Variants in NCALD observed in about 807,000 individuals in gnomAD.
NCALD encodes neurocalcin delta, also known as neurocalcin-delta.
A neutral mutation model predicts 18.6 loss-of-function variants in NCALD; 10 were observed. The observed-to-expected ratio is 0.54, with a 90% confidence interval of 0.33 to 0.91. The LOEUF (loss-of-function observed/expected upper bound fraction) is 0.91, where lower values mean the gene tolerates loss of function less well. Ranked by LOEUF, NCALD falls within the 40% of genes least tolerant of loss-of-function variation. NCALD has a pLI of 0.03. For synonymous variants in NCALD, 88 were observed against 87.4 expected (o/e 1.01, Z -0.04); for missense variants, 184 against 247.6 (o/e 0.74, Z 1.72).
intron 3 of NCALD, chr8:101,692,226 A>G: frequency 1.0e-6 from 1 of 985,404 alleles, no homozygotes; most frequent in Non-Finnish European, 1.2e-6. Context: ...AATTGTGGGT[A>G]GCACCATCAG....
intron 1 of NCALD, among the ~76,000 whole-genome samples, chr8:102,114,451 T>C (rs932425653): frequency 6.6e-6 from 1 of 152,126 alleles, no homozygotes; most frequent in Non-Finnish European, 1.5e-5. Flanking sequence ...AAGAAAGTCA[T>C]ACAGGGGTTC....
chr8:101,768,694 G>A (rs1360247171), intron 1 of NCALD, among the ~76,000 whole-genome samples: 1 of 146,110 alleles, frequency 6.8e-6, no homozygotes, highest in Non-Finnish European at 1.5e-5. Context: ...GGGTGACAGA[G>A]TGAGACTCCA....
At chr8:101,914,444 T>C (rs895237020) in intron 3 of NCALD, among the ~76,000 whole-genome samples, 2 of 152,214 alleles carry the variant, frequency 1.3e-5, no homozygotes, top group African/African-American at 4.8e-5. Context: ...GTTTCTCCAT[T>C]GTGAAGTTAC....
intron 2 of NCALD, among the ~76,000 whole-genome samples, chr8:101,716,792 G>A (rs1364407953): frequency 1.3e-5 from 2 of 152,214 alleles, no homozygotes; most frequent in Non-Finnish European, 2.9e-5. Flanking sequence ...CATGGTCCCA[G>A]TGTAATCACA....
intron 1 of NCALD, among the ~76,000 whole-genome samples, chr8:102,082,512 G>A (rs1824583599): frequency 6.6e-6 from 1 of 151,988 alleles, no homozygotes; most frequent in African/African-American, 2.4e-5. Flanking sequence ...TACATGTGGA[G>A]CATCCACAAC....
At chr8:101,800,851 G>A in intron 4 of NCALD, among the ~76,000 whole-genome samples, 1 of 124,702 alleles carries the variant, frequency 8.0e-6, no homozygotes, top group African/African-American at 3.1e-5. Flanking sequence ...GGGGAGGGGA[G>A]GGGAGGGGAG....
intron 4 of NCALD, among the ~76,000 whole-genome samples, chr8:101,857,414 ATTCTGAC>A (rs911999846): frequency 1.3e-5 from 2 of 152,326 alleles, no homozygotes; most frequent in African/African-American, 4.8e-5. Context: ...ACTCAAAGGC[ATTCTGAC>A]TTCTCTCTCC....
rs924426905 is a variant in NCALD at position 102,050,815 on chromosome 8, AT to A, written c.-209-30527del. 1.8e-4 allele frequency among the ~76,000 whole-genome samples: 26 copies of A among 145,206 alleles called. No homozygotes were observed. The East Asian group carries it at 3.3e-3, about 19-fold the overall frequency. The stretch of plus-strand genomic sequence containing the variant: ...AATTTTTAATTTAATTAATTTAATC[AT>A]TTTTAATTTAATTAATTTAATCATT... On this transcript the variant is annotated intron_variant, in intron 1 of 6. Coordinates refer to the NCALD transcript ENST00000311028.
intron 2 of NCALD, among the ~76,000 whole-genome samples, chr8:101,711,245 CA>C (rs1187723126): frequency 6.6e-6 from 1 of 151,964 alleles, no homozygotes; most frequent in African/African-American, 2.4e-5. Context: ...GACAACCACA[CA>C]AAAAACTCCA....
At chr8:101,702,238 T>G (rs1815302312) in intron 2 of NCALD, among the ~76,000 whole-genome samples, 2 of 152,086 alleles carry the variant, frequency 1.3e-5, no homozygotes, top group South Asian at 2.1e-4. Context: ...CATTCTTTTT[T>G]TTTTTTCTTT....
intron 4 of NCALD, among the ~76,000 whole-genome samples, chr8:101,872,843 G>A (rs1187619165): frequency 6.6e-6 from 1 of 152,206 alleles, no homozygotes; most frequent in Non-Finnish European, 1.5e-5. Flanking sequence ...ATAGCAGGAA[G>A]TGTATTGAAG....
chr8:101,689,360 C>T lies in NCALD; in HGVS notation c.531G>A (p.Pro177=), dbSNP rs145504685. ...EEFIRGAKSD[P]SIVRLLQCDP... The stretch of plus-strand genomic sequence containing the variant: ...CGCACTGCAGGAGGCGCACAATGGA[C>T]GGGTCGCTTTTGGCTCCTCGGATGA... Residue 177 remains proline (P), a synonymous_variant, in exon 4 of 4, where the codon CCG becomes CCA. Coordinates refer to ENST00000220931, the MANE Select transcript of NCALD (RefSeq NM_032041.3). This position sits in a 1 kb window ranked among gnomAD's most constrained non-coding sequence, Gnocchi z 4.4. 2.0e-5 allele frequency: 33 copies of T among 1,613,186 alleles called. No homozygotes were observed. Among genetic ancestry groups the T allele is most frequent in the African/African-American group, 1.7e-4 (13 of 75,024 alleles).
Position 101,982,225 on chromosome 8 carries a change from C to T in NCALD, c.-157+38012G>A, listed in dbSNP as rs189255912. On this transcript the variant is annotated intron_variant, in intron 2 of 6. Transcript: ENST00000311028. ...TATAAATTACCCAGTCTCAGGTATT[C>T]CCTTATAGCAACACAAAAACAGACT... 5.9e-3 allele frequency among the ~76,000 whole-genome samples: 904 copies of T among 152,260 alleles called. 8 individuals are homozygous for T. Among genetic ancestry groups the T allele is most frequent in the Admixed American group, 0.011 (171 of 15,294 alleles).
intron 2 of NCALD, among the ~76,000 whole-genome samples, chr8:101,933,411 G>A (rs1236608580): frequency 1.3e-5 from 2 of 152,166 alleles, no homozygotes; most frequent in African/African-American, 4.8e-5. Flanking sequence ...GCTGACAAAG[G>A]CCAGGAAATG....
At chr8:101,947,770 C>T (rs1307341744) in intron 2 of NCALD, among the ~76,000 whole-genome samples, 1 of 152,180 alleles carries the variant, frequency 6.6e-6, no homozygotes, top group Non-Finnish European at 1.5e-5. Context: ...GAAGACTTCT[C>T]AGAAAAGGTT....
At chr8:101,783,337 C>A (rs1323916646) in intron 1 of NCALD, among the ~76,000 whole-genome samples, 1 of 152,192 alleles carries the variant, frequency 6.6e-6, no homozygotes, top group African/African-American at 2.4e-5. Flanking sequence ...GACCACATTT[C>A]TGAGGATTTC....
At chr8:101,744,135 T>C (rs999694518) in intron 1 of NCALD, among the ~76,000 whole-genome samples, 5 of 152,104 alleles carry the variant, frequency 3.3e-5, no homozygotes, top group African/African-American at 1.2e-4. Context: ...CTTTCTCCCT[T>C]CCTCAGCTCC....
intron 4 of NCALD, among the ~76,000 whole-genome samples, chr8:101,848,871 A>G (rs1814979597): frequency 6.6e-6 from 1 of 152,180 alleles, no homozygotes; most frequent in Non-Finnish European, 1.5e-5. Flanking sequence ...TATATACCCA[A>G]AGGAATATAA....
intron 1 of NCALD, among the ~76,000 whole-genome samples, chr8:102,064,946 A>G (rs1823956630): frequency 7.0e-6 from 1 of 143,374 alleles, no homozygotes; most frequent in Admixed American, 7.2e-5. Context: ...TGCTTCTCTG[A>G]CATGTCTTCA....
Sources: gnomAD v4.1 joint callset for allele counts (sites outside exome capture counted in the v4.1 genomes callset) on GRCh38, gnomAD v4.1.1 for gene constraint, Gnocchi (gnomAD v3.1) non-coding constraint, MANE v1.5 for transcripts, NCBI Gene and HGNC (gene_info 2026-07-23, HGNC 2026-07-21) for gene names.